The following CREBRF variants were observed in gnomAD, a reference collection of about 807,000 sequenced individuals.
CREBRF encodes the protein UPF0474 protein C5orf41.
CREBRF carries 5 observed loss-of-function variants against 66.1 expected under a neutral mutation model. The observed-to-expected ratio is 0.08, with a 90% CI of 0.04 to 0.16. The LOEUF is 0.16. Ranked by LOEUF, CREBRF falls within the 10% of genes least tolerant of loss-of-function variation. CREBRF has a pLI of 1.00. For missense variants in CREBRF, 531 were observed against 744.9 expected (o/e 0.71, Z 3.34); for synonymous variants, 229 against 264.4 (o/e 0.87, Z 1.30).
At chr5:173,081,235 A>C (rs1437568508) in intron 2 of CREBRF, among the ~76,000 whole-genome samples, 2 of 152,054 alleles carry the variant, frequency 1.3e-5, no homozygotes, top group Non-Finnish European at 2.9e-5. Flanking sequence ...ATAGACACAC[A>C]CACATACCTA....
chr5:173,056,779 C>T (rs1303775469), intron 1 of CREBRF, among the ~76,000 whole-genome samples: 1 of 151,974 alleles, frequency 6.6e-6, no homozygotes, highest in Non-Finnish European at 1.5e-5. Flanking sequence ...CGGGGATGGG[C>T]AGCGCCGGGC....
rs1457530562 is a variant in CREBRF, at chr5:173,091,030, G to C, written c.851G>C (p.Gly284Ala). Reference protein sequence around the residue: ...QEKKGMEPLQGHATPALPFKE... With the variant: ...QEKKGMEPLQAHATPALPFKE... Reference sequence around the variant, plus strand: ...AAAAAAGGGATGGAGCCTCTTCAAGGTCATGCCACTCCCGCTTTGCCTTTT... The same window carrying C: ...AAAAAAGGGATGGAGCCTCTTCAAGCTCATGCCACTCCCGCTTTGCCTTTT... The change falls in exon 4 of 9, where the codon GGT (glycine) becomes GCT (alanine). Residue 284 changes from glycine (G) to alanine (A), a missense_variant. Physicochemically the swap from Gly to Ala is moderately conservative, Grantham distance 60. Transcript: ENST00000296953. The C allele has an allele frequency of 3.1e-6, 5 of 1,614,020 alleles. No individual in the cohort carries two copies. The South Asian group carries it at 5.5e-5, about 18-fold the overall frequency.
In CREBRF at chr5:173,056,361, G is replaced by C; in HGVS notation, c.-310G>C. ...CCCACGTGAGGGGGGCGAGTCACGC[G>C]ATTTCCGGGAACCCGTCAGGAAGGA... On this transcript the variant is annotated 5_prime_UTR_variant, in exon 1 of 9. Coordinates refer to ENST00000296953, the MANE Select transcript of CREBRF (RefSeq NM_153607.3). The C allele has an allele frequency of 2.5e-6, 1 of 397,972 alleles. No homozygotes were observed. The highest frequency in any genetic ancestry group is 4.4e-6 in the Non-Finnish European group (1 of 225,634). The allele number at this position is 397,972 out of a possible 1,614,324, so 24.7% of individuals were successfully genotyped here. A position where few individuals can be genotyped will look rare whatever the true frequency, so the allele number is the denominator to read the frequency against.
intron 3 of CREBRF, among the ~76,000 whole-genome samples, chr5:173,088,255 CTTTTTTTTTTT>C (rs536962764): frequency 1.3e-4 from 9 of 66,864 alleles, no homozygotes; most frequent in East Asian, 1.0e-3. Context: ...CAAATACATT[CTTTTTTTTTTT>C]TTTTTTTTTT....
intron 1 of CREBRF, among the ~76,000 whole-genome samples, chr5:173,056,813 C>G (rs1049825195): frequency 2.0e-5 from 3 of 152,022 alleles, no homozygotes; most frequent in Middle Eastern, 3.4e-3. Flanking sequence ...GGCCGCCCGG[C>G]CCTTCCCCGC....
chr5:173,082,014 T>TTTTGTTTTTTTTTTTTTG (rs1757965604), intron 2 of CREBRF, among the ~76,000 whole-genome samples: 2 of 113,784 alleles, frequency 1.8e-5, no homozygotes, highest in African/African-American at 6.5e-5. Flanking sequence ...TTTTTTTTTT[T>TTTTGTTTTTTTTTTTTTG]TTTTTTTTTT....
chr5:173,097,978 C>CT (rs768222322), intron 4 of CREBRF, among the ~76,000 whole-genome samples: 6 of 148,512 alleles, frequency 4.0e-5, no homozygotes, highest in Non-Finnish European at 7.5e-5. Context: ...TATTTGAGAT[C>CT]TTTTTTTTTT....
intron 1 of CREBRF, among the ~76,000 whole-genome samples, chr5:173,077,549 T>C (rs1016005023): frequency 1.3e-5 from 2 of 151,908 alleles, no homozygotes; most frequent in Non-Finnish European, 2.9e-5. Context: ...TGAGCCACCA[T>C]GCCTGGCTAA....
At chr5:173,123,523 T>C (rs1287599743) in intron 8 of CREBRF, 3 of 249,554 alleles carry the variant, frequency 1.2e-5, no homozygotes, top group African/African-American at 7.1e-5. Flanking sequence ...AGTGTAGAGA[T>C]TCTTACTTGT....
intron 8 of CREBRF, among the ~76,000 whole-genome samples, chr5:173,129,645 T>C (rs1759363293): frequency 6.6e-6 from 1 of 150,640 alleles, no homozygotes; most frequent in African/African-American, 2.4e-5. Flanking sequence ...GGATCGCTTT[T>C]GCCCAGGAGA....
chr5:173,108,894 T>C (rs1758809728), intron 5 of CREBRF, 76 bp downstream of exon 5: 1 of 1,358,594 alleles, frequency 7.4e-7, no homozygotes, highest in Non-Finnish European at 1.0e-6. Context: ...GTTTACTCCG[T>C]GTACCTAGGC....
chr5:173,099,435 T>G (rs1401969609), intron 4 of CREBRF, among the ~76,000 whole-genome samples: 1 of 152,080 alleles, frequency 6.6e-6, no homozygotes, highest in Non-Finnish European at 1.5e-5. Flanking sequence ...GGATTACAGG[T>G]GTGAGCCACT....
At chr5:173,065,009 G>A (rs1757392888) in intron 1 of CREBRF, among the ~76,000 whole-genome samples, 1 of 152,130 alleles carries the variant, frequency 6.6e-6, no homozygotes, top group African/African-American at 2.4e-5. Context: ...GTACCTAGCT[G>A]TACAGTTTTT....
rs949764780 is a variant in CREBRF at position 173,138,000 on chromosome 5, T to C, written c.*4255T>C. On this transcript the variant is annotated 3_prime_UTR_variant, in exon 9 of 9. Coordinates refer to ENST00000296953, the MANE Select transcript of CREBRF (RefSeq NM_153607.3). ...TGAATTTTGAGAATGCATTGAATTA[T>C]GCTTTCAGTGTTAAAGTAAAAGGTT... 2.6e-5 allele frequency: 4 copies of C among 152,178 alleles called. No homozygotes were observed. Among genetic ancestry groups the C allele is most frequent in the African/African-American group, 4.8e-5 (2 of 41,454 alleles). The allele number at this position is 152,178 out of a possible 1,614,324, so 9.4% of individuals were successfully genotyped here. A position where few individuals can be genotyped will look rare whatever the true frequency, so the allele number is the denominator to read the frequency against.
intron 4 of CREBRF, among the ~76,000 whole-genome samples, chr5:173,099,990 T>A (rs1397237753): frequency 1.4e-5 from 2 of 146,496 alleles, no homozygotes; most frequent in African/African-American, 5.0e-5. Flanking sequence ...CACTGCAACC[T>A]CCTCCTCCCA....
Position 173,107,444 on chromosome 5 carries a change from A to G in CREBRF, c.1223-1180A>G, listed in dbSNP as rs938507902. ...GTCTGACCAACAGTTCTAGCAACTC[A>G]GAATTAAGTATTTTCTGAAACTTCC... On this transcript the variant is annotated intron_variant, in intron 4 of 8. Transcript: ENST00000296953. Among the ~76,000 whole-genome samples, 8 of 152,336 alleles carry G rather than the reference A, an allele frequency of 5.3e-5. No individual in the cohort carries two copies. In the South Asian group the frequency reaches 1.2e-3, roughly 24 times the overall value.
At chr5:173,117,339 A>G (rs1277372776) in intron 7 of CREBRF, among the ~76,000 whole-genome samples, 2 of 150,890 alleles carry the variant, frequency 1.3e-5, no homozygotes, top group Non-Finnish European at 2.9e-5. Flanking sequence ...AGATTGTGCC[A>G]TTGCACTCCA....
At position 173,063,276 on chromosome 5, in the gene CREBRF, C is replaced by T. The variant is rs139825094; in HGVS notation, c.-192+6797C>T. Among the ~76,000 whole-genome samples, 23 of 152,318 alleles carry T rather than the reference C, an allele frequency of 1.5e-4. No individual in the cohort carries two copies. The East Asian group carries it at 3.7e-3, about 24-fold the overall frequency. On this transcript the variant is annotated intron_variant, in intron 1 of 8. Transcript: ENST00000296953. ...TTGGCAACATAAATCATCCTACACTCTGTCCTTTCAACACCAAAACCACTT... is the reference window on the plus strand; with the variant it reads ...TTGGCAACATAAATCATCCTACACTTTGTCCTTTCAACACCAAAACCACTT...
intron 8 of CREBRF, among the ~76,000 whole-genome samples, chr5:173,127,696 G>T (rs1460750495): frequency 6.6e-6 from 1 of 152,068 alleles, no homozygotes; most frequent in Non-Finnish European, 1.5e-5. Flanking sequence ...CTAACCTCGT[G>T]ATCCACCCAC....
Sources: allele counts gnomAD v4.1 joint callset (sites outside exome capture counted in the v4.1 genomes callset), GRCh38; gene constraint gnomAD v4.1.1; transcripts MANE v1.5; gene names NCBI Gene and HGNC (gene_info 2026-07-23, HGNC 2026-07-21).